XPO4: variants seen among roughly 807,000 people sequenced by gnomAD.
XPO4 encodes exportin-4.
A neutral mutation model predicts 143.0 loss-of-function variants in XPO4; 39 were observed. That is an observed-to-expected ratio of 0.27 (90% CI 0.21 to 0.36). The LOEUF is 0.36. Among genes scored for constraint, XPO4 ranks in the 10% least tolerant of loss-of-function variants. The probability of loss-of-function intolerance (pLI) is 1.00; values close to 1 mark genes in which losing one functional copy is unlikely to be tolerated. For missense variants in XPO4, 907 were observed against 1,348.0 expected (o/e 0.67, Z 5.12); for synonymous variants, 439 against 474.0 (o/e 0.93, Z 0.96).
At position 20,781,264 on chromosome 13, in the gene XPO4, C is replaced by T. The variant is rs530639409; in HGVS notation, c.*2458G>A. The T allele has an allele frequency of 4.6e-5, 7 of 152,408 alleles. No individual in the cohort carries two copies. Among genetic ancestry groups the T allele is most frequent in the African/African-American group, 7.2e-5 (3 of 41,446 alleles). The allele number at this position is 152,408 out of a possible 1,614,324, so 9.4% of individuals were successfully genotyped here. A position where few individuals can be genotyped will look rare whatever the true frequency, so the allele number is the denominator to read the frequency against. On this transcript the variant is annotated 3_prime_UTR_variant, in exon 23 of 23. Transcript: ENST00000255305. ...ACAAGACCGGAGAAGTTAATAAACA[C>T]AGCTAAAGACAAAATTGGACAAAAT... is the stretch of plus-strand genomic sequence containing the variant.
rs59921874 is a variant in XPO4 at position 20,858,922 on chromosome 13, GTATATATATATA to G, written c.318-3169_318-3158del. ...AAAATATATATATATATGTGTGTGT[GTATATATATATA>G]TATATATATATATATGTGAGCTATT... On this transcript the variant is annotated intron_variant, in intron 3 of 22. Transcript: ENST00000255305. Among the ~76,000 whole-genome samples the G allele has an allele frequency of 5.4e-3, 797 of 148,568 alleles. 5 individuals carry two copies. The highest frequency in any genetic ancestry group is 0.042 in the East Asian group (216 of 5,134).
rs1449054404 is a variant in XPO4, at chr13:20,881,810, C to T, written c.70-13109G>A. On this transcript the variant is annotated intron_variant, in intron 1 of 22. Transcript: ENST00000255305. ...AGATCAAAGAACAGATTAGATACAT[C>T]GGGGAAAAAATTAGGGGTTGGGCAC... 8.6e-5 allele frequency among the ~76,000 whole-genome samples: 13 copies of T among 151,528 alleles called. 1 individual carries two copies. Among genetic ancestry groups the T allele is most frequent in the Admixed American group, 8.6e-4 (13 of 15,184 alleles).
intron 1 of XPO4, among the ~76,000 whole-genome samples, chr13:20,880,363 T>A (rs1032285186): frequency 6.6e-6 from 1 of 151,134 alleles, no homozygotes; most frequent in Non-Finnish European, 1.5e-5. Context: ...ACCCAGTAGG[T>A]AGTGGTTGCG....
chr13:20,818,725 A>G (rs958473288), intron 9 of XPO4, among the ~76,000 whole-genome samples: 2 of 152,236 alleles, frequency 1.3e-5, no homozygotes, highest in African/African-American at 4.8e-5. Context: ...GGTTTTCAAT[A>G]AAAGCTATTA....
Position 20,895,622 on chromosome 13 carries a change from ACT to A in XPO4, c.69+7046_69+7047del, listed in dbSNP as rs905821763. Among the ~76,000 whole-genome samples, 13 of 96,518 alleles carry A rather than the reference ACT, an allele frequency of 1.3e-4. No homozygotes were observed. In the Admixed American group the frequency reaches 1.5e-3, roughly 11 times the overall value. 63.3% of individuals were successfully genotyped at this position (96,518 alleles called of 152,430 possible). ...ACTCCAGCCTGGGTGACAGAGCAAG[ACT>A]CTGTCTCAAAAAAAAAAAAAGAAGT... is the stretch of plus-strand genomic sequence containing the variant. On this transcript the variant is annotated intron_variant, in intron 1 of 22. Transcript: ENST00000255305.
At chr13:20,829,607 CAG>C (rs1016041176) in intron 6 of XPO4, among the ~76,000 whole-genome samples, 4 of 152,108 alleles carry the variant, frequency 2.6e-5, no homozygotes, top group Non-Finnish European at 5.9e-5. Flanking sequence ...TCAAGAGCTG[CAG>C]ACAGTTCAAG....
chr13:20,827,966 G>A (rs189937007), intron 6 of XPO4, among the ~76,000 whole-genome samples: 3 of 152,266 alleles, frequency 2.0e-5, no homozygotes, highest in Non-Finnish European at 4.4e-5. Flanking sequence ...GGCCAGTCAC[G>A]GTGGCTCACG....
intron 4 of XPO4, chr13:20,851,580 G>A: frequency 2.1e-6 from 1 of 476,482 alleles, no homozygotes; most frequent in Non-Finnish European, 2.7e-6. Flanking sequence ...GTGGTGGCAT[G>A]CACCTGTAGT....
At chr13:20,835,675 C>T (rs749910866) in intron 6 of XPO4, among the ~76,000 whole-genome samples, 11 of 152,156 alleles carry the variant, frequency 7.2e-5, no homozygotes, top group Non-Finnish European at 1.2e-4. Context: ...TGATGCTCTT[C>T]GAAATATCTA....
chr13:20,818,132 T>C (rs752064422), intron 9 of XPO4, among the ~76,000 whole-genome samples: 70 of 152,232 alleles, frequency 4.6e-4, no homozygotes, highest in Non-Finnish European at 6.9e-4. Flanking sequence ...ACATTCATTC[T>C]TACCTCTTCA....
intron 1 of XPO4, chr13:20,869,798 A>T (rs752389685): frequency 7.7e-5 from 13 of 169,204 alleles, no homozygotes; most frequent in Admixed American, 1.3e-4. Context: ...TAAAAATGAA[A>T]ATATTTCCAT....
chr13:20,862,954 G>A, intron 2 of XPO4, 96 bp from the exon 3 acceptor site: 1 of 1,554,024 alleles, frequency 6.4e-7, no homozygotes, highest in Middle Eastern at 2.3e-4. Context: ...TTCAGACAAG[G>A]AATAAGATGG....
chr13:20,875,705 A>T (rs1474924930), intron 1 of XPO4, among the ~76,000 whole-genome samples: 1 of 152,018 alleles, frequency 6.6e-6, no homozygotes, highest in Non-Finnish European at 1.5e-5. Flanking sequence ...ACCCCTTTAC[A>T]CAATCTCAGG....
At chr13:20,863,844 T>C (rs1171535419) in intron 2 of XPO4, among the ~76,000 whole-genome samples, 1 of 152,182 alleles carries the variant, frequency 6.6e-6, no homozygotes, top group African/African-American at 2.4e-5. Context: ...TTCAAGAATA[T>C]ATCAGAAGAG....
At chr13:20,858,507 G>C (rs987733874) in intron 3 of XPO4, among the ~76,000 whole-genome samples, 3 of 152,062 alleles carry the variant, frequency 2.0e-5, no homozygotes, top group Admixed American at 6.6e-5. Flanking sequence ...AAAAGGGTGT[G>C]TTTACCACCA....
At chr13:20,881,469 A>T (rs1595158587) in intron 1 of XPO4, among the ~76,000 whole-genome samples, 1 of 151,902 alleles carries the variant, frequency 6.6e-6, no homozygotes, top group African/African-American at 2.4e-5. Flanking sequence ...ACGGGGTTTC[A>T]CTGTGTTAGC....
At chr13:20,809,044 G>C (rs1190423174) in intron 11 of XPO4, 39 bp downstream of exon 11, 3 of 1,596,880 alleles carry the variant, frequency 1.9e-6, no homozygotes, top group Non-Finnish European at 2.6e-6. Flanking sequence ...TGTGAATAGA[G>C]AATATTTGCT....
chr13:20,797,368 G>A (rs2059372749), intron 16 of XPO4, among the ~76,000 whole-genome samples: 1 of 152,064 alleles, frequency 6.6e-6, no homozygotes, highest in South Asian at 2.1e-4. Flanking sequence ...TACAAAATCA[G>A]ACAGTAAGCC....
intron 9 of XPO4, among the ~76,000 whole-genome samples, chr13:20,810,412 A>C (rs2059566049): frequency 6.6e-6 from 1 of 152,234 alleles, no homozygotes; most frequent in South Asian, 2.1e-4. Context: ...AAAGAACAGC[A>C]AATTCCATAC....
Sources: allele counts gnomAD v4.1 joint callset (sites outside exome capture counted in the v4.1 genomes callset), GRCh38; gene constraint gnomAD v4.1.1; transcripts MANE v1.5; gene names NCBI Gene and HGNC (gene_info 2026-07-23, HGNC 2026-07-21).